The following NR3C2 variants were observed in gnomAD, a reference collection of about 807,000 sequenced individuals.
NR3C2 encodes the protein nuclear receptor subfamily 3 group C member 2, also known as mineralocorticoid receptor.
A neutral mutation model predicts 86.4 loss-of-function variants in NR3C2; 15 were observed. The ratio of observed to expected loss-of-function variants is 0.17; its 90% CI spans 0.12 to 0.27. NR3C2 has a LOEUF of 0.27. NR3C2 is among the 10% of genes least tolerant of loss of function. The pLI is 1.00. For synonymous variants in NR3C2, 458 were observed against 450.5 expected, an observed-to-expected ratio of 1.02 and a Z score of -0.21; for missense variants, 960 against 1,195.6, an observed-to-expected ratio of 0.80 and a Z score of 2.91.
intron 4 of NR3C2, among the ~76,000 whole-genome samples, chr4:148,192,671 T>G (rs1015709825): frequency 5.7e-5 from 8 of 139,844 alleles, no homozygotes; most frequent in South Asian, 2.4e-4. Context: ...CTGTGGGGGG[T>G]GGGGTCGAGA....
chr4:148,226,113 G>C (rs4835131), intron 3 of NR3C2, among the ~76,000 whole-genome samples: 138,013 of 152,244 alleles, frequency 0.91, 63,997 homozygotes, highest in South Asian at 1. Flanking sequence ...TTGTACACAT[G>C]AATGTTAACA....
At chr4:148,345,247 G>GC (rs1554010877) in intron 2 of NR3C2, among the ~76,000 whole-genome samples, 1 of 151,248 alleles carries the variant, frequency 6.6e-6, no homozygotes, top group Non-Finnish European at 1.5e-5. Flanking sequence ...ATTTTAGTTA[G>GC]TTTTTTTTTA....
At chr4:148,208,399 A>G (rs1737113476) in intron 3 of NR3C2, 1 of 152,268 alleles carries the variant, frequency 6.6e-6, no homozygotes, top group South Asian at 2.1e-4. Context: ...GTGTTAAGTT[A>G]CTTTTCTACC....
At chr4:148,182,107 T>C (rs1186562811) in intron 4 of NR3C2, among the ~76,000 whole-genome samples, 1 of 152,212 alleles carries the variant, frequency 6.6e-6, no homozygotes, top group Non-Finnish European at 1.5e-5. Flanking sequence ...TATGTTGCCA[T>C]ATGCCTCAAA....
intron 4 of NR3C2, among the ~76,000 whole-genome samples, chr4:148,162,197 C>A (rs1734692088): frequency 6.6e-6 from 1 of 152,094 alleles, no homozygotes; most frequent in African/African-American, 2.4e-5. Flanking sequence ...TTTACAGAGA[C>A]AATAACAAAT....
At chr4:148,236,503 A>T (rs1738757440) in intron 3 of NR3C2, among the ~76,000 whole-genome samples, 1 of 152,002 alleles carries the variant, frequency 6.6e-6, no homozygotes, top group East Asian at 1.9e-4. Flanking sequence ...AATAAATAAA[A>T]TATACAATTA....
chr4:148,111,439 T>C, intron 8 of NR3C2, among the ~76,000 whole-genome samples: 1 of 152,230 alleles, frequency 6.6e-6, no homozygotes, highest in East Asian at 1.9e-4. Context: ...TATGAAAATA[T>C]ACCTGCCATA....
At chr4:148,194,420 A>T (rs1736346938) in intron 4 of NR3C2, among the ~76,000 whole-genome samples, 1 of 152,224 alleles carries the variant, frequency 6.6e-6, no homozygotes, top group African/African-American at 2.4e-5. Flanking sequence ...TTCTAAACAG[A>T]CGTGGCAATA....
chr4:148,347,769 A>G (rs1279155663), intron 2 of NR3C2, among the ~76,000 whole-genome samples: 1 of 152,142 alleles, frequency 6.6e-6, no homozygotes, highest in Non-Finnish European at 1.5e-5. Flanking sequence ...ACAAAAATAA[A>G]TACCATTCCT....
At chr4:148,261,790 T>C (rs1184844817) in intron 2 of NR3C2, among the ~76,000 whole-genome samples, 1 of 152,226 alleles carries the variant, frequency 6.6e-6, no homozygotes, top group Non-Finnish European at 1.5e-5. Flanking sequence ...AGATTTATTT[T>C]TCAAGTCTGC....
intron 2 of NR3C2, among the ~76,000 whole-genome samples, chr4:148,348,492 A>C (rs1280188240): frequency 6.6e-6 from 1 of 152,172 alleles, no homozygotes; most frequent in African/African-American, 2.4e-5. Context: ...CACGAAATTT[A>C]TTCATGTACC....
intron 6 of NR3C2, among the ~76,000 whole-genome samples, chr4:148,150,623 A>G (rs1392223598): frequency 2.0e-5 from 3 of 152,316 alleles, no homozygotes; most frequent in East Asian, 3.9e-4. Context: ...AAGATGGCGG[A>G]GTGGTCCCTT....
At chr4:148,247,317 T>C (rs1739365508) in intron 3 of NR3C2, among the ~76,000 whole-genome samples, 1 of 152,230 alleles carries the variant, frequency 6.6e-6, no homozygotes, top group Middle Eastern at 3.2e-3. Flanking sequence ...TGTTCACATC[T>C]CATCCCAATG....
At chr4:148,250,935 CCTTTTT>C (rs1438795142) in intron 3 of NR3C2, among the ~76,000 whole-genome samples, 5 of 151,986 alleles carry the variant, frequency 3.3e-5, no homozygotes, top group East Asian at 1.9e-4. Flanking sequence ...GTCTCCATCA[CCTTTTT>C]CTTTTTCTTT....
At chr4:148,320,980 T>A (rs1168782416) in intron 2 of NR3C2, among the ~76,000 whole-genome samples, 2 of 149,976 alleles carry the variant, frequency 1.3e-5, no homozygotes, top group Non-Finnish European at 3.0e-5. Flanking sequence ...AGGGTGTCAA[T>A]TTTGGATCTT....
chr4:148,385,809 C>T (rs902815084), intron 2 of NR3C2, among the ~76,000 whole-genome samples: 18 of 152,128 alleles, frequency 1.2e-4, no homozygotes, highest in African/African-American at 2.7e-4. Context: ...GCTACAACCT[C>T]GAAGGTTGAC....
intron 2 of NR3C2, among the ~76,000 whole-genome samples, chr4:148,299,825 G>GT (rs926041996): frequency 6.6e-6 from 1 of 152,016 alleles, no homozygotes; most frequent in Non-Finnish European, 1.5e-5. Context: ...ACAGCTGTTT[G>GT]TTTTTTTCTT....
chr4:148,137,233 C>A (rs921946486), intron 6 of NR3C2, among the ~76,000 whole-genome samples: 1 of 152,094 alleles, frequency 6.6e-6, no homozygotes, highest in Non-Finnish European at 1.5e-5. Context: ...CTCCATTATT[C>A]TGCAGAGAAG....
intron 3 of NR3C2, among the ~76,000 whole-genome samples, chr4:148,221,122 C>A (rs573363543): frequency 1.3e-5 from 2 of 152,244 alleles, no homozygotes; most frequent in Non-Finnish European, 2.9e-5. Flanking sequence ...ACCGCCTCTG[C>A]GATTATGTTT....
Sources: allele counts gnomAD v4.1 joint callset (sites outside exome capture counted in the v4.1 genomes callset), GRCh38; gene constraint gnomAD v4.1.1; transcripts MANE v1.5; gene names NCBI Gene and HGNC (gene_info 2026-07-23, HGNC 2026-07-21).